The following DMRT1 variants were observed in gnomAD, a reference collection of about 807,000 sequenced individuals.
DMRT1 encodes doublesex- and mab-3-related transcription factor 1.
In DMRT1, 7 loss-of-function variants were observed where a neutral mutation model predicts 32.3. The ratio of observed to expected loss-of-function variants is 0.22; its 90% CI spans 0.12 to 0.41. The LOEUF (loss-of-function observed/expected upper bound fraction) is 0.41, where lower values mean the gene tolerates loss of function less well. Among genes scored for constraint, DMRT1 ranks in the 10% least tolerant of loss-of-function variants. DMRT1 has a pLI of 1.00. For missense variants in DMRT1, 625 were observed against 500.5 expected (o/e 1.25, Z -2.37); for synonymous variants, 278 against 206.1 (o/e 1.35, Z -2.99).
intron 1 of DMRT1, among the ~76,000 whole-genome samples, chr9:845,051 G>T (rs1367377104): frequency 1.3e-5 from 2 of 152,046 alleles, no homozygotes; most frequent in Non-Finnish European, 2.9e-5. Context: ...TGAACGTTTT[G>T]ATTTCACCTT....
At chr9:934,023 GA>G (rs34467202) in intron 4 of DMRT1, among the ~76,000 whole-genome samples, 51,384 of 140,820 alleles carry the variant, frequency 0.36, 12,539 homozygotes, top group African/African-American at 0.71. Context: ...GCACACTTAA[GA>G]AAAAAAAAAA....
chr9:925,033 T>C (rs562571480), intron 4 of DMRT1, among the ~76,000 whole-genome samples: 1 of 152,300 alleles, frequency 6.6e-6, no homozygotes. Context: ...AGTCTGGAAA[T>C]AGCAAGACTT....
chr9:905,796 G>T lies in DMRT1; in HGVS notation c.823-10967G>T, dbSNP rs140306670. On this transcript the variant is annotated intron_variant, in intron 3 of 4. Transcript: ENST00000382276. ...CTTTCCGGGCTGTGAGCCTCCTTTTGTGGATGAGGAAACTGGGGCTCAGGG... is the reference window on the plus strand; with the variant it reads ...CTTTCCGGGCTGTGAGCCTCCTTTTTTGGATGAGGAAACTGGGGCTCAGGG... 9.0e-3 allele frequency among the ~76,000 whole-genome samples: 1,363 copies of T among 152,120 alleles called. 22 individuals are homozygous for T. Among genetic ancestry groups the T allele is most frequent in the African/African-American group, 0.031 (1,285 of 41,490 alleles).
intron 4 of DMRT1, among the ~76,000 whole-genome samples, chr9:928,704 A>G (rs1251470357): frequency 6.6e-6 from 1 of 152,198 alleles, no homozygotes; most frequent in African/African-American, 2.4e-5. Context: ...CTTTATTAAG[A>G]TTTCGAGATA....
At position 856,163 on chromosome 9, in the gene DMRT1, C is replaced by T. The variant is rs372471644; in HGVS notation, c.538+9020C>T. ...AATTCCTGACCTCAAGTGATCCACC[C>T]GCCTCGGCCTCCCAAAGTGCTGGGA... On this transcript the variant is annotated intron_variant, in intron 2 of 4. Coordinates refer to ENST00000382276, the MANE Select transcript of DMRT1 (RefSeq NM_021951.3). 9.9e-5 allele frequency among the ~76,000 whole-genome samples: 15 copies of T among 152,170 alleles called. 1 individual carries two copies. The South Asian group carries it at 2.9e-3, about 30-fold the overall frequency.
At chr9:902,449 G>A (rs1364207631) in intron 3 of DMRT1, among the ~76,000 whole-genome samples, 3 of 150,424 alleles carry the variant, frequency 2.0e-5, no homozygotes, top group African/African-American at 7.3e-5. Flanking sequence ...ACTTACATTT[G>A]TGCTTACCTC....
intron 3 of DMRT1, among the ~76,000 whole-genome samples, chr9:901,270 G>A (rs943885074): frequency 6.6e-6 from 1 of 152,050 alleles, no homozygotes; most frequent in Non-Finnish European, 1.5e-5. Flanking sequence ...GCCTGCCCTG[G>A]CCTCCCACAG....
Position 842,085 on chromosome 9 carries a change from G to C in DMRT1, c.247G>C (p.Gly83Arg). 6.5e-7 allele frequency: 1 copy of C among 1,546,396 alleles called. No homozygotes were observed. The change falls in exon 1 of 5, where the codon GGC becomes CGC. Residue 83 changes from glycine (G) to arginine (R), a missense_variant. Around this residue, in one of 3 missense-constraint regions of DMRT1, gnomAD observed 201 missense variants for 152.0 expected, o/e 1.32. Coordinates refer to ENST00000382276, the MANE Select transcript of DMRT1 (RefSeq NM_021951.3). Reference protein sequence around the residue: ...LPKCARCRNHGYASPLKGHKR... With the variant: ...LPKCARCRNHRYASPLKGHKR... ...CAAGTGCGCACGCTGCAGGAACCAC[G>C]GCTACGCCTCGCCGCTCAAGGGCCA...
chr9:848,707 C>G (rs576885478), intron 2 of DMRT1, among the ~76,000 whole-genome samples: 21 of 150,012 alleles, frequency 1.4e-4, no homozygotes, highest in South Asian at 8.5e-4. Flanking sequence ...GCGCCCGCCA[C>G]CACACCCGAC....
intron 4 of DMRT1, among the ~76,000 whole-genome samples, chr9:961,705 C>T (rs77517460): frequency 6.6e-6 from 1 of 152,144 alleles, no homozygotes; most frequent in Non-Finnish European, 1.5e-5. Context: ...CTGAAAAAGG[C>T]AACATGTATG....
intron 2 of DMRT1, among the ~76,000 whole-genome samples, chr9:866,538 T>C (rs893547579): frequency 8.5e-5 from 13 of 152,222 alleles, no homozygotes; most frequent in African/African-American, 3.1e-4. Context: ...CTCTCAAAAC[T>C]TGTGTTTACT....
intron 4 of DMRT1, among the ~76,000 whole-genome samples, chr9:962,419 C>T (rs1457715857): frequency 2.0e-5 from 3 of 152,098 alleles, no homozygotes; most frequent in Non-Finnish European, 4.4e-5. Flanking sequence ...CAGGGTAGGG[C>T]TGCTGCCATG....
At chr9:861,789 C>A (rs879617917) in intron 2 of DMRT1, among the ~76,000 whole-genome samples, 1 of 105,692 alleles carries the variant, frequency 9.5e-6, no homozygotes, top group Admixed American at 9.5e-5. Flanking sequence ...ACTTCCCAGA[C>A]GGGGCGGCTG....
rs535750718 is a variant in DMRT1, at chr9:845,274, A to G, written c.355-1686A>G. On this transcript the variant is annotated intron_variant, in intron 1 of 4. Coordinates refer to ENST00000382276, the MANE Select transcript of DMRT1 (RefSeq NM_021951.3). ...GCCCAGGCTGGAGTGCAGTGGCTCG[A>G]TTTCGGCTCACTGCAACCTCCACCT... Among the ~76,000 whole-genome samples, 4 of 151,930 alleles carry G rather than the reference A, an allele frequency of 2.6e-5. No individual in the cohort carries two copies. The South Asian group carries it at 6.3e-4, about 24-fold the overall frequency.
At chr9:915,949 G>T (rs1459805766) in intron 3 of DMRT1, among the ~76,000 whole-genome samples, 1 of 152,080 alleles carries the variant, frequency 6.6e-6, no homozygotes, top group Non-Finnish European at 1.5e-5. Flanking sequence ...TAGCCAGGAT[G>T]ATCTCGATTT....
intron 3 of DMRT1, among the ~76,000 whole-genome samples, chr9:913,869 G>A (rs1818077114): frequency 6.6e-6 from 1 of 150,546 alleles, no homozygotes. Flanking sequence ...CTCCAGCCTG[G>A]GCAACAGAGT....
intron 1 of DMRT1, among the ~76,000 whole-genome samples, chr9:845,254 G>C (rs1004694201): frequency 6.6e-6 from 1 of 151,882 alleles, no homozygotes; most frequent in Non-Finnish European, 1.5e-5. Flanking sequence ...CCATTGCCCA[G>C]GCTGGAGTGC....
At chr9:850,810 C>A (rs1419889321) in intron 2 of DMRT1, among the ~76,000 whole-genome samples, 1 of 152,076 alleles carries the variant, frequency 6.6e-6, no homozygotes, top group Admixed American at 6.6e-5. Flanking sequence ...AGGTGGATCA[C>A]CTGAGGTCAG....
At chr9:939,138 C>T (rs981654094) in intron 4 of DMRT1, among the ~76,000 whole-genome samples, 19 of 152,218 alleles carry the variant, frequency 1.2e-4, no homozygotes, top group South Asian at 2.1e-4. Flanking sequence ...TTCGTTTACA[C>T]GATTTAGTGG....
Sources: gnomAD v4.1 joint callset for allele counts (sites outside exome capture counted in the v4.1 genomes callset) on GRCh38, gnomAD v4.1.1 for gene constraint, gnomAD v4.1.1 regional missense constraint, MANE v1.5 for transcripts, NCBI Gene and HGNC (gene_info 2026-07-23, HGNC 2026-07-21) for gene names.